Variants in APBB2 observed in about 807,000 individuals in gnomAD.
APBB2 encodes the protein amyloid beta precursor protein binding family B member 2, also known as Fe65-like 1.
A neutral mutation model predicts 82.5 loss-of-function variants in APBB2; 38 were observed. The ratio of observed to expected loss-of-function variants is 0.46; its 90% confidence interval spans 0.36 to 0.60. The LOEUF (loss-of-function observed/expected upper bound fraction) is 0.60. Ranked by LOEUF, APBB2 falls within the 20% of genes least tolerant of loss-of-function variation. The probability of loss-of-function intolerance (pLI) is 0.00; values close to 1 mark genes in which losing one functional copy is unlikely to be tolerated. For synonymous variants in APBB2, 341 were observed against 368.2 expected (o/e 0.93, Z 0.85); for missense variants, 772 against 972.3 (o/e 0.79, Z 2.74).
chr4:41,114,334 A>G (rs1321174372), intron 2 of APBB2, among the ~76,000 whole-genome samples: 2 of 152,198 alleles, frequency 1.3e-5, no homozygotes, highest in Admixed American at 1.3e-4. Flanking sequence ...AAATAATAAG[A>G]GTTATTTATG....
chr4:41,042,307 T>C (rs1560596214), intron 4 of APBB2, among the ~76,000 whole-genome samples: 1 of 152,214 alleles, frequency 6.6e-6, no homozygotes, highest in Non-Finnish European at 1.5e-5. Context: ...AACTTTCATA[T>C]TCCAAAGGCA....
intron 10 of APBB2, among the ~76,000 whole-genome samples, chr4:40,902,739 A>T (rs1775671866): frequency 6.6e-6 from 1 of 152,162 alleles, no homozygotes; most frequent in Non-Finnish European, 1.5e-5. Flanking sequence ...CATGTTGCCC[A>T]GGCTGGTTTC....
chr4:40,836,496 A>AAAC (rs1753992899), intron 12 of APBB2, among the ~76,000 whole-genome samples: 1 of 152,146 alleles, frequency 6.6e-6, no homozygotes, highest in Admixed American at 6.5e-5. Context: ...ACAAACAAAC[A>AAAC]AACAAACAAA....
chr4:41,041,919 C>T (rs1226527963), intron 4 of APBB2, among the ~76,000 whole-genome samples: 2 of 152,196 alleles, frequency 1.3e-5, no homozygotes, highest in Non-Finnish European at 2.9e-5. Flanking sequence ...ATCTTTATAA[C>T]ACTTAATCAG....
chr4:41,189,271 A>G (rs1189971109), intron 1 of APBB2, among the ~76,000 whole-genome samples: 5 of 152,296 alleles, frequency 3.3e-5, no homozygotes, highest in African/African-American at 2.4e-5. Flanking sequence ...CACATACTGA[A>G]TCACTTCATG....
chr4:40,939,103 G>GT (rs1786159501), intron 7 of APBB2, among the ~76,000 whole-genome samples: 1 of 152,196 alleles, frequency 6.6e-6, no homozygotes, highest in African/African-American at 2.4e-5. Flanking sequence ...ATCAGATGCA[G>GT]TCTCTCGGCC....
rs868342813 is a variant in APBB2, at chr4:41,025,868, G to A, written c.19+7368C>T. On this transcript the variant is annotated intron_variant, in intron 5 of 17. Transcript: ENST00000508593. ...CTGGGATGGTGGGGGGTAGGGGTTG[G>A]GGGGTGGAGGTGGCATTGAGCCAAG... Among the ~76,000 whole-genome samples, 4 of 150,834 alleles carry A rather than the reference G, an allele frequency of 2.7e-5. No homozygotes were observed. The Middle Eastern group carries it at 0.01, about 387-fold the overall frequency.
chr4:40,826,269 G>A lies in APBB2; in HGVS notation c.1733-299C>T, dbSNP rs1749896768. On this transcript the variant is annotated intron_variant, in intron 14 of 17. Coordinates refer to ENST00000508593, the MANE Select transcript of APBB2 (RefSeq NM_004307.2). The surrounding 1 kb of genome is among the most constrained non-coding windows in gnomAD (Gnocchi z 4.5). ...ATTAAGTAAAGTAGCAGCTTTTGGTGTCCTATTTAATTAGGTGTGGTTGAT... is the reference window on the plus strand; with the variant it reads ...ATTAAGTAAAGTAGCAGCTTTTGGTATCCTATTTAATTAGGTGTGGTTGAT... 3.1e-6 allele frequency: 1 copy of A among 322,860 alleles called. No homozygotes were observed. The highest frequency in any genetic ancestry group is 5.8e-6 in the Non-Finnish European group (1 of 171,320). 20.0% of individuals were successfully genotyped at this position (322,860 alleles called of 1,614,324 possible).
At chr4:41,151,630 T>C (rs1282853952) in intron 1 of APBB2, among the ~76,000 whole-genome samples, 1 of 152,196 alleles carries the variant, frequency 6.6e-6, no homozygotes, top group African/African-American at 2.4e-5. Flanking sequence ...ACAGCTTTTT[T>C]TGACATACAA....
chr4:41,050,986 G>A (rs9761046), intron 4 of APBB2, among the ~76,000 whole-genome samples: 1 of 135,812 alleles, frequency 7.4e-6, no homozygotes, highest in African/African-American at 3.8e-5. Flanking sequence ...CAGGAACAGG[G>A]TGTTTCCCTC....
intron 1 of APBB2, among the ~76,000 whole-genome samples, chr4:41,214,201 G>A (rs547059189): frequency 1.3e-5 from 2 of 152,290 alleles, no homozygotes; most frequent in African/African-American, 2.4e-5. Context: ...CCCCGCTGCA[G>A]ATGCCGCGGC....
At position 41,093,614 on chromosome 4, in the gene APBB2, G is replaced by A. The variant is rs187744063; in HGVS notation, c.-149+7025C>T. On this transcript the variant is annotated intron_variant, in intron 3 of 17. Coordinates refer to ENST00000508593, the MANE Select transcript of APBB2 (RefSeq NM_004307.2). ...CATGCCTGTAATCCCAGCACTTTGG[G>A]AGGCCAAGGAGTGCAGATCACCTGA... Among the ~76,000 whole-genome samples the A allele has an allele frequency of 5.1e-3, 784 of 152,266 alleles. 6 individuals carry two copies. Among genetic ancestry groups the A allele is most frequent in the African/African-American group, 0.016 (681 of 41,564 alleles).
At chr4:41,139,190 CT>C (rs75078928) in intron 2 of APBB2, among the ~76,000 whole-genome samples, 8,660 of 152,134 alleles carry the variant, frequency 0.057, 531 homozygotes, top group African/African-American at 0.15. Flanking sequence ...AACATAATCT[CT>C]TATCAAAAGG....
intron 12 of APBB2, among the ~76,000 whole-genome samples, chr4:40,860,493 G>T (rs144790322): frequency 1.4e-3 from 217 of 152,342 alleles, no homozygotes; most frequent in African/African-American, 5.1e-3. Context: ...ACCGTGGGGA[G>T]AGGACAACTG....
At chr4:41,169,183 C>CAAA (rs60032221) in intron 1 of APBB2, among the ~76,000 whole-genome samples, 12 of 60,672 alleles carry the variant, frequency 2.0e-4, no homozygotes, top group African/African-American at 4.5e-4. Context: ...CACTCCGTCT[C>CAAA]AAAAAAAAAA....
At chr4:41,157,202 C>T (rs1476074135) in intron 1 of APBB2, among the ~76,000 whole-genome samples, 1 of 152,168 alleles carries the variant, frequency 6.6e-6, no homozygotes, top group African/African-American at 2.4e-5. Flanking sequence ...TGCACACCTG[C>T]TGCATTTCCC....
At position 41,071,688 on chromosome 4, in the gene APBB2, AC is replaced by A. The variant is rs1354285604; in HGVS notation, c.-148-6016del. ...AGAGCGAGACTCTGTCTCAAAAAAAACAATTAAAATTTTTTAAAAAAAATCT... is the reference window on the plus strand; with the variant it reads ...AGAGCGAGACTCTGTCTCAAAAAAAAAATTAAAATTTTTTAAAAAAAATCT... On this transcript the variant is annotated intron_variant, in intron 3 of 17. Coordinates refer to ENST00000508593, the MANE Select transcript of APBB2 (RefSeq NM_004307.2). 8.7e-4 allele frequency among the ~76,000 whole-genome samples: 132 copies of A among 152,286 alleles called. 1 individual carries two copies. Among genetic ancestry groups the A allele is most frequent in the Admixed American group, 8.6e-3 (131 of 15,296 alleles).
chr4:41,074,832 G>A (rs1735111216), intron 3 of APBB2, among the ~76,000 whole-genome samples: 1 of 151,900 alleles, frequency 6.6e-6, no homozygotes, highest in African/African-American at 2.4e-5. Flanking sequence ...TTTTTTAAAA[G>A]GATTTTTGTA....
intron 1 of APBB2, among the ~76,000 whole-genome samples, chr4:41,171,114 C>A (rs28713478): frequency 0.098 from 14,979 of 152,206 alleles, 1,627 homozygotes; most frequent in African/African-American, 0.28. Flanking sequence ...CCTGTCTAGA[C>A]CCCCTCCCAG....
Sources: allele counts gnomAD v4.1 joint callset (sites outside exome capture counted in the v4.1 genomes callset), GRCh38; gene constraint gnomAD v4.1.1; non-coding constraint Gnocchi (gnomAD v3.1); transcripts MANE v1.5; gene names NCBI Gene and HGNC (gene_info 2026-07-23, HGNC 2026-07-21).